IGSF3: variants seen among roughly 807,000 people sequenced by gnomAD.
IGSF3 encodes the protein glu-Trp-Ile EWI motif-containing protein 3.
IGSF3 carries 23 observed loss-of-function variants against 114.4 expected under a neutral mutation model. That is an observed-to-expected ratio of 0.20 (90% CI 0.14 to 0.28). IGSF3 has a LOEUF of 0.28. IGSF3 is among the 10% of genes least tolerant of loss of function. The probability of loss-of-function intolerance (pLI) is 1.00; values close to 1 mark genes in which losing one functional copy is unlikely to be tolerated. For synonymous variants in IGSF3, 571 were observed against 645.2 expected (o/e 0.88, Z 1.74); for missense variants, 1,172 against 1,591.5 (o/e 0.74, Z 4.48).
intron 2 of IGSF3, among the ~76,000 whole-genome samples, chr1:116,640,136 G>C (rs568613609): frequency 9.1e-4 from 138 of 151,632 alleles, no homozygotes; most frequent in South Asian, 2.5e-3. Context: ...AAGTTTCTTA[G>C]CTCCAGTCAA....
intron 2 of IGSF3, among the ~76,000 whole-genome samples, chr1:116,659,345 G>A (rs1234299739): frequency 2.6e-5 from 4 of 152,170 alleles, no homozygotes; most frequent in Non-Finnish European, 5.9e-5. Context: ...TCTTTGTTAA[G>A]TGCCTGCCAC....
rs1218734289 is a variant in IGSF3 at position 116,589,872 on chromosome 1, A to G, written c.2030-768T>C. On this transcript the variant is annotated intron_variant, in intron 7 of 10. Transcript: ENST00000369486. The surrounding 1 kb of genome is among the most constrained non-coding windows in gnomAD (Gnocchi z 5.7). ...AGTGCTGGGGATGCCCTGAAGAGTA[A>G]GCCGGAGTCCCAGCCCTCATGGGGT... Among the ~76,000 whole-genome samples the G allele has an allele frequency of 6.6e-6, 1 of 152,172 alleles. No individual in the cohort carries two copies. Among genetic ancestry groups the G allele is most frequent in the East Asian group, 1.9e-4 (1 of 5,188 alleles).
chr1:116,608,188 C>T lies in IGSF3; in HGVS notation c.976G>A (p.Ala326Thr), dbSNP rs761318910. The T allele has an allele frequency of 1.3e-5, 21 of 1,611,318 alleles. No individual in the cohort carries two copies. Among genetic ancestry groups the T allele is most frequent in the Non-Finnish European group, 1.7e-5 (20 of 1,177,834 alleles). Residue 326 changes from alanine (A) to threonine (T), a missense_variant, in exon 5 of 11, where the codon GCC becomes ACC. Coordinates refer to ENST00000369486, the MANE Select transcript of IGSF3 (RefSeq NM_001007237.3). ...GGCACAGCGTTAGGACCCATGGTGGCGATGAGCGAGCTGTTGAAGGCCCAG... is the reference window on the plus strand; with the variant it reads ...GGCACAGCGTTAGGACCCATGGTGGTGATGAGCGAGCTGTTGAAGGCCCAG... ...VSWAFNSSLI[A>T]TMGPNAVPVL...
Position 116,583,220 on chromosome 1 carries a change from G to A in IGSF3, c.2848+1425C>T, listed in dbSNP as rs1487967379. 2.0e-5 allele frequency among the ~76,000 whole-genome samples: 3 copies of A among 152,196 alleles called. No homozygotes were observed. The highest frequency in any genetic ancestry group is 4.4e-5 in the Non-Finnish European group (3 of 68,034). On this transcript the variant is annotated intron_variant, in intron 9 of 10. Transcript: ENST00000369486. The surrounding 1 kb of genome is among the most constrained non-coding windows in gnomAD (Gnocchi z 4.5). ...ACATCTGTCTCCTCCCACTCCATCT[G>A]GGAGCCTCAGTGTGCTGACCTGCAG...
Position 116,618,653 on chromosome 1 carries a change from C to T in IGSF3, c.44-2196G>A, listed in dbSNP as rs933081954. Reference sequence around the variant, plus strand: ...GATGTCCACACAAGAATGAAATTGCCGAATGATGCACTTCTTAAAACATGT... The same window carrying T: ...GATGTCCACACAAGAATGAAATTGCTGAATGATGCACTTCTTAAAACATGT... On this transcript the variant is annotated intron_variant, in intron 2 of 10. Coordinates refer to ENST00000369486, the MANE Select transcript of IGSF3 (RefSeq NM_001007237.3). This position sits in a 1 kb window ranked among gnomAD's most constrained non-coding sequence, Gnocchi z 4.7. Among the ~76,000 whole-genome samples the T allele has an allele frequency of 2.0e-5, 3 of 152,104 alleles. No homozygotes were observed. Among genetic ancestry groups the T allele is most frequent in the African/African-American group, 4.8e-5 (2 of 41,396 alleles).
rs1368137115 is a variant in IGSF3 at position 116,605,754 on chromosome 1, T to C, written c.1223-1729A>G. On this transcript the variant is annotated intron_variant, in intron 5 of 10. Transcript: ENST00000369486. This position sits in a 1 kb window ranked among gnomAD's most constrained non-coding sequence, Gnocchi z 5.1. ...GATTAAAGACTCATCCCCACTGTTA[T>C]CAATTCAAAATAAGGGATTAAAAGG... Among the ~76,000 whole-genome samples, 2 of 152,190 alleles carry C rather than the reference T, an allele frequency of 1.3e-5. No individual in the cohort carries two copies. The highest frequency in any genetic ancestry group is 3.2e-3 in the Middle Eastern group (1 of 316).
rs780772379 is a variant in IGSF3 at position 116,613,871 on chromosome 1, G to T, written c.726C>A (p.Gly242=). The T allele has an allele frequency of 1.2e-6, 2 of 1,613,938 alleles. No individual in the cohort carries two copies. Among genetic ancestry groups the T allele is most frequent in the Non-Finnish European group, 1.7e-6 (2 of 1,179,858 alleles). Residue 242 remains glycine, a synonymous_variant, in exon 4 of 11, where the codon GGC becomes GGA. Transcript: ENST00000369486. ...TIFHLQPSDQ[G]EFYCEAAEWI... ...ACTCGGCGGCCTCGCAGTAGAATTC[G>T]CCCTGGTCAGAAGGCTGCAGGTGGA...
rs1647344169 is a variant in IGSF3 at position 116,627,440 on chromosome 1, T to C, written c.44-10983A>G. Among the ~76,000 whole-genome samples the C allele has an allele frequency of 6.6e-6, 1 of 152,082 alleles. No homozygotes were observed. ...TCTACTGGCCGCCACCACCACCCTC[T>C]CCTAAAGAGGACTGGAATAACTTCC... On this transcript the variant is annotated intron_variant, in intron 2 of 10. Coordinates refer to ENST00000369486, the MANE Select transcript of IGSF3 (RefSeq NM_001007237.3). The surrounding 1 kb of genome is among the most constrained non-coding windows in gnomAD (Gnocchi z 4.7).
chr1:116,599,389 T>TACACACACACAC (rs1156653211), intron 7 of IGSF3, among the ~76,000 whole-genome samples: 136 of 120,570 alleles, frequency 1.1e-3, no homozygotes, highest in African/African-American at 5.3e-3. Flanking sequence ...GACACATACA[T>TACACACACACAC]ATACACACAC....
At chr1:116,646,130 G>A (rs1003602162) in intron 2 of IGSF3, among the ~76,000 whole-genome samples, 15 of 152,222 alleles carry the variant, frequency 9.9e-5, no homozygotes, top group Non-Finnish European at 1.9e-4. Flanking sequence ...TCCACATTTG[G>A]GCTCAAATAC....
intron 2 of IGSF3, among the ~76,000 whole-genome samples, chr1:116,656,370 G>A (rs1169916126): frequency 7.0e-6 from 1 of 142,236 alleles, no homozygotes; most frequent in South Asian, 2.2e-4. Flanking sequence ...GCGCAATCTC[G>A]GCTCACTGCA....
At position 116,615,442 on chromosome 1, in the gene IGSF3, T is replaced by A. The variant is rs1305849244; in HGVS notation, c.421+638A>T. Among the ~76,000 whole-genome samples the A allele has an allele frequency of 1.3e-5, 2 of 152,228 alleles. No homozygotes were observed. Among genetic ancestry groups the A allele is most frequent in the Non-Finnish European group, 2.9e-5 (2 of 68,034 alleles). On this transcript the variant is annotated intron_variant, in intron 3 of 10. Transcript: ENST00000369486. The surrounding 1 kb of genome is among the most constrained non-coding windows in gnomAD (Gnocchi z 4.3). ...TGATAATAAAAACTGGACATTAAGATAGGCAGAAAAACAGAACAGCCTTGA... is the reference window on the plus strand; with the variant it reads ...TGATAATAAAAACTGGACATTAAGAAAGGCAGAAAAACAGAACAGCCTTGA...
chr1:116,578,698 T>C (rs1206261772), intron 10 of IGSF3, among the ~76,000 whole-genome samples: 2 of 152,352 alleles, frequency 1.3e-5, no homozygotes, highest in East Asian at 3.9e-4. Context: ...TATAACACCA[T>C]TTTTAGTCTA....
rs564718026 is a variant in IGSF3, at chr1:116,594,190, A to G, written c.2030-5086T>C. ...ATACAGTGACTGTCAGTGTGCATTT[A>G]GAGACAGCGTTGACTGTGACTGTGC... On this transcript the variant is annotated intron_variant, in intron 7 of 10. Transcript: ENST00000369486. This position sits in a 1 kb window ranked among gnomAD's most constrained non-coding sequence, Gnocchi z 5.2. Among the ~76,000 whole-genome samples the G allele has an allele frequency of 6.0e-4, 92 of 152,312 alleles. No homozygotes were observed. The highest frequency in any genetic ancestry group is 2.2e-3 in the African/African-American group (90 of 41,566).
chr1:116,624,702 G>A lies in IGSF3; in HGVS notation c.44-8245C>T, dbSNP rs1332157038. 6.6e-6 allele frequency among the ~76,000 whole-genome samples: 1 copy of A among 152,216 alleles called. No individual in the cohort carries two copies. Among genetic ancestry groups the A allele is most frequent in the African/African-American group, 2.4e-5 (1 of 41,450 alleles). On this transcript the variant is annotated intron_variant, in intron 2 of 10. Coordinates refer to ENST00000369486, the MANE Select transcript of IGSF3 (RefSeq NM_001007237.3). The surrounding 1 kb of genome is among the most constrained non-coding windows in gnomAD (Gnocchi z 4.9). ...ATAATTCCCTTCTCTGTGTATCTGG[G>A]CAGGAAGTCACTGTGTGGCTTCCAA...
chr1:116,601,727 T>C (rs570405322), intron 6 of IGSF3, among the ~76,000 whole-genome samples: 34 of 152,344 alleles, frequency 2.2e-4, no homozygotes, highest in South Asian at 2.1e-4. Context: ...TATCTCTATA[T>C]ACCCTTTAAA....
Position 116,576,516 on chromosome 1 carries a change from TG to T in IGSF3, c.*795del, listed in dbSNP as rs1276933080. 2 of 152,670 alleles carry T rather than the reference TG, an allele frequency of 1.3e-5. No homozygotes were observed. Among genetic ancestry groups the T allele is most frequent in the African/African-American group, 4.8e-5 (2 of 41,464 alleles). 9.5% of individuals were successfully genotyped at this position (152,670 alleles called of 1,614,324 possible). ...TTTAATTTGGAAAGTGTGTGCCGTT[TG>T]GGGCTTCTGACCCATTCTCCAAGAC... is the stretch of plus-strand genomic sequence containing the variant. On this transcript the variant is annotated 3_prime_UTR_variant, in exon 11 of 11. Transcript: ENST00000369486. The surrounding 1 kb of genome is among the most constrained non-coding windows in gnomAD (Gnocchi z 4.6).
Position 116,666,552 on chromosome 1 carries a change from A to C in IGSF3, c.-226T>G. On this transcript the variant is annotated 5_prime_UTR_variant, in exon 2 of 11. Transcript: ENST00000369486. ...CTCCCCTATGCTACAGGAAGGGTCC[A>C]CAACAATTCGGAAGTCGCTCCCGGC... is the stretch of plus-strand genomic sequence containing the variant. 1.7e-6 allele frequency: 1 copy of C among 604,694 alleles called. No homozygotes were observed. Among genetic ancestry groups the C allele is most frequent in the Non-Finnish European group, 2.9e-6 (1 of 340,668 alleles). The allele number at this position is 604,694 out of a possible 1,614,324, so 37.5% of individuals were successfully genotyped here.
Position 116,600,295 on chromosome 1 carries a change from T to C in IGSF3, c.1675A>G (p.Ser559Gly). 6.2e-7 allele frequency: 1 copy of C among 1,613,268 alleles called. No individual in the cohort carries two copies. The highest frequency in any genetic ancestry group is 1.1e-5 in the South Asian group (1 of 91,034). Reference protein sequence around the residue: ...AISRTPGVTYSDSFDLQCIIK... With the variant: ...AISRTPGVTYGDSFDLQCIIK... Reference sequence around the variant, plus strand: ...ATACACTGCAAGTCAAAGGAGTCGCTGTAGGTCACCCCCGGTGTCCGGGAG... The same window carrying C: ...ATACACTGCAAGTCAAAGGAGTCGCCGTAGGTCACCCCCGGTGTCCGGGAG... Residue 559 changes from serine to glycine, a missense_variant, in exon 7 of 11, where the codon AGC (serine) becomes GGC (glycine). Ser to Gly is a moderately conservative substitution (Grantham distance 56). This residue lies in a region of IGSF3 where 736 missense variants were observed against 1,042.0 expected (regional missense o/e 0.71). Transcript: ENST00000369486. The surrounding 1 kb of genome is among the most constrained non-coding windows in gnomAD (Gnocchi z 5.5).
Sources: allele counts gnomAD v4.1 joint callset (sites outside exome capture counted in the v4.1 genomes callset), GRCh38; gene constraint gnomAD v4.1.1; regional missense constraint gnomAD v4.1.1; non-coding constraint Gnocchi (gnomAD v3.1); transcripts MANE v1.5; gene names NCBI Gene and HGNC (gene_info 2026-07-23, HGNC 2026-07-21).